Variants in TJP1 observed in about 807,000 individuals in gnomAD.
TJP1 encodes tight junction protein 1.
A neutral mutation model predicts 194.2 loss-of-function variants in TJP1; 43 were observed. That is an observed-to-expected ratio of 0.22 (90% confidence interval 0.17 to 0.29). TJP1 has a LOEUF of 0.29. TJP1 is among the 10% of genes least tolerant of loss of function. The pLI is 1.00. For synonymous variants in TJP1, 801 were observed against 779.0 expected (o/e 1.03, Z -0.47); for missense variants, 1,971 against 2,185.7 (o/e 0.90, Z 1.96).
chr15:29,765,423 A>G (rs917950749), intron 5 of TJP1, among the ~76,000 whole-genome samples: 1 of 152,182 alleles, frequency 6.6e-6, no homozygotes, highest in Non-Finnish European at 1.5e-5. Flanking sequence ...TGCCCACAGA[A>G]GGAGCAAGCC....
chr15:29,811,894 T>G (rs910585238), intron 1 of TJP1, among the ~76,000 whole-genome samples: 4 of 141,780 alleles, frequency 2.8e-5, no homozygotes, highest in African/African-American at 7.7e-5. Flanking sequence ...ATGAATGTCT[T>G]AAATAATCTA....
intron 2 of TJP1, among the ~76,000 whole-genome samples, chr15:29,799,068 T>C (rs2048605762): frequency 6.6e-6 from 1 of 152,202 alleles, no homozygotes; most frequent in Admixed American, 6.5e-5. Context: ...ATTTTAATTG[T>C]GGTGGTTACA....
chr15:29,867,466 A>G (rs548106355), intron 2 of TJP1, among the ~76,000 whole-genome samples: 37 of 152,270 alleles, frequency 2.4e-4, no homozygotes, highest in Non-Finnish European at 4.1e-4. Context: ...AACGTGGCCC[A>G]TGTGTGCTAT....
intron 2 of TJP1, among the ~76,000 whole-genome samples, chr15:29,930,997 A>G (rs1006511988): frequency 2.7e-4 from 41 of 152,294 alleles, no homozygotes; most frequent in African/African-American, 9.9e-4. Flanking sequence ...AAACCCACCT[A>G]TAACTCCTGA....
intron 2 of TJP1, among the ~76,000 whole-genome samples, chr15:29,792,487 C>G (rs1424152289): frequency 1.3e-5 from 2 of 152,120 alleles, no homozygotes; most frequent in Non-Finnish European, 2.9e-5. Context: ...TGCTATAGCT[C>G]TGGAGTATAA....
At chr15:29,733,630 CAAAT>C (rs1480052889) in intron 12 of TJP1, among the ~76,000 whole-genome samples, 11 of 152,194 alleles carry the variant, frequency 7.2e-5, no homozygotes, top group Non-Finnish European at 1.6e-4. Flanking sequence ...CAGCAGTTCT[CAAAT>C]AAAGGTAATT....
At chr15:29,873,867 C>G (rs866242881) in intron 2 of TJP1, among the ~76,000 whole-genome samples, 1 of 152,072 alleles carries the variant, frequency 6.6e-6, no homozygotes, top group African/African-American at 2.4e-5. Context: ...GTAAATGGAA[C>G]GGCAGATCAT....
intron 1 of TJP1, chr15:29,956,428 A>G: frequency 8.1e-7 from 1 of 1,235,710 alleles, no homozygotes. Flanking sequence ...CTCAAGTTTG[A>G]GGTAAGCATT....
At chr15:29,824,117 A>AAAAG (rs1567108124), upstream of TJP1, 4 of 99,356 alleles carry the variant, frequency 4.0e-5, no homozygotes, top group Non-Finnish European at 5.8e-5. Context: ...AAAAAAAAAA[A>AAAAG]TGGTGGCCAG....
In TJP1 at chr15:29,782,819, C is replaced by T. The variant is rs749466594; in HGVS notation, c.85-9462G>A. ...CATCTGACAAAGGTCTAATATCCAT[C>T]ATCTATACACAATTTTACAAGAAAA... On this transcript the variant is annotated intron_variant, in intron 2 of 27. Coordinates refer to ENST00000614355, the MANE Select transcript of TJP1 (RefSeq NM_001330239.4). 1.1e-4 allele frequency among the ~76,000 whole-genome samples: 15 copies of T among 135,254 alleles called. No homozygotes were observed. The Admixed American group carries it at 1.2e-3, about 11-fold the overall frequency. 88.7% of individuals were successfully genotyped at this position (135,254 alleles called of 152,430 possible). A position where few individuals can be genotyped will look rare whatever the true frequency, so the allele number is the denominator to read the frequency against.
chr15:29,833,883 T>A (rs11853020), intron 2 of TJP1, among the ~76,000 whole-genome samples: 53 of 9,742 alleles, frequency 5.4e-3, no homozygotes, highest in Middle Eastern at 0.038. Flanking sequence ...ATATATATAT[T>A]TTTTTTTTTT....
chr15:29,813,539 A>G (rs527408333), intron 1 of TJP1, among the ~76,000 whole-genome samples: 6 of 152,250 alleles, frequency 3.9e-5, no homozygotes, highest in Non-Finnish European at 5.9e-5. Flanking sequence ...AATGCTGAGC[A>G]AAAGAAGCCA....
chr15:29,956,891 GTTT>G (rs59530998), intron 1 of TJP1, among the ~76,000 whole-genome samples: 11 of 151,268 alleles, frequency 7.3e-5, no homozygotes, highest in South Asian at 2.1e-4. Context: ...CATTTATAAG[GTTT>G]TTTTTTAAAA....
Position 29,761,778 on chromosome 15 carries a change from GA to G in TJP1, c.694-10del. ...GTCACAGTACCATTTATCTGCAACA[GA>G]AAATAAATTACAGCTTGAAAGTAAA... On this transcript the variant is annotated splice_polypyrimidine_tract_variant and intron_variant, in intron 6 of 27. Coordinates refer to ENST00000614355, the MANE Select transcript of TJP1 (RefSeq NM_001330239.4). 6.6e-7 allele frequency: 1 copy of G among 1,520,696 alleles called. No individual in the cohort carries two copies. The highest frequency in any genetic ancestry group is 1.3e-5 in the South Asian group (1 of 75,708). The allele number at this position is 1,520,696 out of a possible 1,614,324, so 94.2% of individuals were successfully genotyped here.
At chr15:29,819,635 T>G (rs1451813972) in intron 1 of TJP1, among the ~76,000 whole-genome samples, 2 of 152,216 alleles carry the variant, frequency 1.3e-5, no homozygotes, top group Non-Finnish European at 2.9e-5. Context: ...CATTTTATCA[T>G]GTAGGTTTTC....
chr15:29,710,819 C>G lies in TJP1; in HGVS notation c.4372+12G>C. ...ATTACTGTGTTAAAATGTCTACTTCCGAACTTCCTACCTTCACCATGTGCT... is the reference window on the plus strand; with the variant it reads ...ATTACTGTGTTAAAATGTCTACTTCGGAACTTCCTACCTTCACCATGTGCT... On this transcript the variant is annotated intron_variant, in intron 24 of 27. Coordinates refer to ENST00000614355, the MANE Select transcript of TJP1 (RefSeq NM_001330239.4). The G allele has an allele frequency of 6.2e-7, 1 of 1,613,738 alleles. No homozygotes were observed. Among genetic ancestry groups the G allele is most frequent in the Non-Finnish European group, 8.5e-7 (1 of 1,180,004 alleles).
At chr15:29,743,782 C>T (rs747095) in intron 8 of TJP1, among the ~76,000 whole-genome samples, 5,407 of 152,094 alleles carry the variant, frequency 0.036, 121 homozygotes, top group Middle Eastern at 0.079. Flanking sequence ...GAGAGAAATG[C>T]AAAAATACAA....
intron 1 of TJP1, among the ~76,000 whole-genome samples, chr15:29,961,072 G>A (rs997751491): frequency 3.9e-5 from 6 of 152,098 alleles, no homozygotes; most frequent in Non-Finnish European, 7.3e-5. Context: ...ACACAGCTGC[G>A]TACCTGTAAC....
intron 2 of TJP1, among the ~76,000 whole-genome samples, chr15:29,799,700 C>A (rs930769784): frequency 6.6e-6 from 1 of 152,162 alleles, no homozygotes; most frequent in African/African-American, 2.4e-5. Flanking sequence ...CAGGCGTGAG[C>A]CACCACACCC....
Sources: allele counts gnomAD v4.1 joint callset (sites outside exome capture counted in the v4.1 genomes callset), GRCh38; gene constraint gnomAD v4.1.1; transcripts MANE v1.5; gene names NCBI Gene and HGNC (gene_info 2026-07-23, HGNC 2026-07-21).